The following TCF7L1 variants were observed in gnomAD, a reference collection of about 807,000 sequenced individuals.
TCF7L1 encodes transcription factor 7-like 1.
A neutral mutation model predicts 63.7 loss-of-function variants in TCF7L1; 18 were observed. The ratio of observed to expected loss-of-function variants is 0.28; its 90% CI spans 0.20 to 0.42. TCF7L1 has a LOEUF of 0.42. Among genes scored for constraint, TCF7L1 ranks in the 10% least tolerant of loss-of-function variants. The pLI is 1.00. For missense variants in TCF7L1, 654 were observed against 779.3 expected (o/e 0.84, Z 1.91); for synonymous variants, 355 against 340.9 (o/e 1.04, Z -0.46).
chr2:85,155,073 C>G (rs1383733621), intron 3 of TCF7L1, among the ~76,000 whole-genome samples: 2 of 152,140 alleles, frequency 1.3e-5, no homozygotes, highest in Non-Finnish European at 2.9e-5. Flanking sequence ...CCCTGGCCTC[C>G]CAAAGTACTG....
rs115387494 is a variant in TCF7L1, at chr2:85,197,731, C to T, written c.441+63281C>T. Among the ~76,000 whole-genome samples, 1,365 of 152,286 alleles carry T rather than the reference C, an allele frequency of 9.0e-3. 19 individuals carry two copies. The highest frequency in any genetic ancestry group is 0.031 in the African/African-American group (1,286 of 41,558). ...ACCTTTGTTCTTCTTACAGATTCAT[C>T]TGATTTTTGTGTTGGAGATTTGAGA... is the stretch of plus-strand genomic sequence containing the variant. On this transcript the variant is annotated intron_variant, in intron 3 of 11. Transcript: ENST00000282111.
At chr2:85,238,304 CG>C (rs761696565) in intron 3 of TCF7L1, among the ~76,000 whole-genome samples, 33 of 152,232 alleles carry the variant, frequency 2.2e-4, no homozygotes, top group Middle Eastern at 3.4e-3. Context: ...CAGCGGGAGG[CG>C]GGCTTAGGAG....
chr2:85,203,103 G>A (rs1260162343), intron 3 of TCF7L1, among the ~76,000 whole-genome samples: 2 of 152,116 alleles, frequency 1.3e-5, no homozygotes, highest in African/African-American at 4.8e-5. Context: ...TCAAAGTACT[G>A]GGATTACAGG....
At chr2:85,198,535 G>A (rs1679206160) in intron 3 of TCF7L1, among the ~76,000 whole-genome samples, 1 of 152,188 alleles carries the variant, frequency 6.6e-6, no homozygotes, top group Non-Finnish European at 1.5e-5. Flanking sequence ...CAAATGAGCA[G>A]CCCTCGCTGG....
chr2:85,293,076 A>G (rs577727840), intron 4 of TCF7L1, among the ~76,000 whole-genome samples: 4 of 152,236 alleles, frequency 2.6e-5, no homozygotes, highest in Non-Finnish European at 5.9e-5. Flanking sequence ...TTCTCATGGC[A>G]TGTGGCAGAT....
intron 3 of TCF7L1, among the ~76,000 whole-genome samples, chr2:85,137,423 CA>C (rs1180564498): frequency 3.9e-5 from 6 of 152,162 alleles, no homozygotes; most frequent in Non-Finnish European, 7.3e-5. Flanking sequence ...GGATGTGGGC[CA>C]AGTCTCTGTG....
At chr2:85,239,949 AAAAAAAAAAAAAC>A (rs1276946914) in intron 3 of TCF7L1, among the ~76,000 whole-genome samples, 1 of 151,562 alleles carries the variant, frequency 6.6e-6, no homozygotes, top group African/African-American at 2.4e-5. Context: ...CCATCTAAAA[AAAAAAAAAAAAAC>A]AAAAAAAAAA....
At chr2:85,175,754 T>C (rs1678665570) in intron 3 of TCF7L1, among the ~76,000 whole-genome samples, 1 of 152,222 alleles carries the variant, frequency 6.6e-6, no homozygotes, top group Non-Finnish European at 1.5e-5. Context: ...GAAGAGGGAC[T>C]GTAGGCCTGG....
chr2:85,145,377 A>T (rs1484754670), intron 3 of TCF7L1, among the ~76,000 whole-genome samples: 1 of 152,240 alleles, frequency 6.6e-6, no homozygotes, highest in African/African-American at 2.4e-5. Context: ...TAAGGAACAG[A>T]TGGATCTCAT....
intron 3 of TCF7L1, among the ~76,000 whole-genome samples, chr2:85,146,312 G>T (rs1677878625): frequency 6.6e-6 from 1 of 152,072 alleles, no homozygotes; most frequent in Non-Finnish European, 1.5e-5. Context: ...TTCCAGCTGT[G>T]GGGGATTCTG....
chr2:85,147,430 C>A (rs1449805166), intron 3 of TCF7L1, among the ~76,000 whole-genome samples: 1 of 152,134 alleles, frequency 6.6e-6, no homozygotes, highest in African/African-American at 2.4e-5. Flanking sequence ...GCTGTGGGAA[C>A]CCAAACCCCA....
chr2:85,258,712 T>C (rs567856219), intron 3 of TCF7L1, among the ~76,000 whole-genome samples: 257 of 152,286 alleles, frequency 1.7e-3, no homozygotes, highest in Non-Finnish European at 2.8e-3. Context: ...CGTATGGGCT[T>C]GCATCTATGT....
rs1037121603 is a variant in TCF7L1 at position 85,133,618 on chromosome 2, G to T, written c.-67G>T. 1.6e-6 allele frequency: 1 copy of T among 616,068 alleles called. No homozygotes were observed. The highest frequency in any genetic ancestry group is 2.0e-5 in the African/African-American group (1 of 49,938). 38.2% of individuals were successfully genotyped at this position (616,068 alleles called of 1,614,324 possible). On this transcript the variant is annotated 5_prime_UTR_variant, in exon 1 of 12. Coordinates refer to ENST00000282111, the MANE Select transcript of TCF7L1 (RefSeq NM_031283.3). The surrounding 1 kb of genome is among the most constrained non-coding windows in gnomAD (Gnocchi z 4.4). The stretch of plus-strand genomic sequence containing the variant: ...CGCAAGCGGGCGGGAGGGGCGCCGG[G>T]CCGGGCCGGGCAGGGCGCGGGCGGC...
chr2:85,141,464 C>T (rs1341510003), intron 3 of TCF7L1, among the ~76,000 whole-genome samples: 1 of 152,178 alleles, frequency 6.6e-6, no homozygotes, highest in Non-Finnish European at 1.5e-5. Flanking sequence ...AGACCAGACT[C>T]CTGCAGTTTC....
intron 3 of TCF7L1, among the ~76,000 whole-genome samples, chr2:85,192,327 T>C (rs1679051780): frequency 6.6e-6 from 1 of 152,220 alleles, no homozygotes; most frequent in Admixed American, 6.5e-5. Context: ...AAAATGGAGC[T>C]AGCAGTGAAA....
At chr2:85,207,967 C>T (rs1008273871) in intron 3 of TCF7L1, among the ~76,000 whole-genome samples, 8 of 151,992 alleles carry the variant, frequency 5.3e-5, no homozygotes, top group African/African-American at 9.7e-5. Context: ...AGTTCAGTGG[C>T]GCCATCTCGG....
At chr2:85,182,200 A>T (rs1036271658) in intron 3 of TCF7L1, among the ~76,000 whole-genome samples, 12 of 152,158 alleles carry the variant, frequency 7.9e-5, no homozygotes, top group Non-Finnish European at 1.3e-4. Flanking sequence ...TGGACATCCA[A>T]GCCTCTCCAT....
rs189677196 is a variant in TCF7L1 at position 85,202,099 on chromosome 2, A to G, written c.441+67649A>G. Among the ~76,000 whole-genome samples the G allele has an allele frequency of 4.1e-3, 626 of 152,142 alleles. 8 individuals carry two copies. The highest frequency in any genetic ancestry group is 0.015 in the African/African-American group (614 of 41,492). ...TGCCTTAGCCTTCTGAGTAGCTGGG[A>G]CTACAGGCACATGTCACCATGCCCA... On this transcript the variant is annotated intron_variant, in intron 3 of 11. Coordinates refer to ENST00000282111, the MANE Select transcript of TCF7L1 (RefSeq NM_031283.3).
At chr2:85,267,612 G>C (rs1681008657) in intron 3 of TCF7L1, among the ~76,000 whole-genome samples, 2 of 146,026 alleles carry the variant, frequency 1.4e-5, no homozygotes, top group African/African-American at 5.1e-5. Flanking sequence ...TCGCACCATT[G>C]CACTCCAACC....
Sources: gnomAD v4.1 joint callset for allele counts (sites outside exome capture counted in the v4.1 genomes callset) on GRCh38, gnomAD v4.1.1 for gene constraint, Gnocchi (gnomAD v3.1) non-coding constraint, MANE v1.5 for transcripts, NCBI Gene and HGNC (gene_info 2026-07-23, HGNC 2026-07-21) for gene names.